Variants in MYO1B observed in about 807,000 individuals in gnomAD.
The protein encoded by MYO1B is myosin IB.
A neutral mutation model predicts 159.7 loss-of-function variants in MYO1B; 72 were observed. The observed-to-expected ratio is 0.45, with a 90% CI of 0.37 to 0.55. The LOEUF (loss-of-function observed/expected upper bound fraction) is 0.55, where lower values mean the gene tolerates loss of function less well. Ranked by LOEUF, MYO1B falls within the 20% of genes least tolerant of loss-of-function variation. MYO1B has a pLI of 0.00. For missense variants in MYO1B, 1,062 were observed against 1,364.8 expected, an observed-to-expected ratio of 0.78 and a Z score of 3.50; for synonymous variants, 468 against 473.8, an observed-to-expected ratio of 0.99 and a Z score of 0.16.
At chr2:191,318,893 C>G (rs1036472046) in intron 3 of MYO1B, among the ~76,000 whole-genome samples, 2 of 152,158 alleles carry the variant, frequency 1.3e-5, no homozygotes, top group Non-Finnish European at 2.9e-5. Flanking sequence ...TTAAATCTTC[C>G]TCTAGCAGTC....
intron 3 of MYO1B, among the ~76,000 whole-genome samples, chr2:191,305,360 G>T (rs1233320933): frequency 1.3e-5 from 2 of 152,208 alleles, no homozygotes; most frequent in African/African-American, 4.8e-5. Flanking sequence ...AAAGTGTTCA[G>T]CAGAGCGAAT....
chr2:191,350,966 C>T (rs1310143968), intron 7 of MYO1B, among the ~76,000 whole-genome samples: 1 of 152,084 alleles, frequency 6.6e-6, no homozygotes, highest in Non-Finnish European at 1.5e-5. Flanking sequence ...GCACCCACAG[C>T]ACAACCCTGA....
chr2:191,386,521 C>T (rs1284747932), intron 16 of MYO1B, among the ~76,000 whole-genome samples: 1 of 133,510 alleles, frequency 7.5e-6, no homozygotes, highest in African/African-American at 2.6e-5. Flanking sequence ...TTTTAAAACA[C>T]TTATTTATTT....
rs543738310 is a variant in MYO1B at position 191,330,203 on chromosome 2, C to A, written c.346+174C>A. ...ATGTTCTCTGGACTCCCCAGAGAAA[C>A]AAGATGCCTATCCAAGGGGATTCCA... On this transcript the variant is annotated intron_variant, in intron 4 of 30. Coordinates refer to ENST00000392318, the MANE Select transcript of MYO1B (RefSeq NM_001130158.3). 8.5e-4 allele frequency among the ~76,000 whole-genome samples: 130 copies of A among 152,256 alleles called. 1 individual carries two copies. The highest frequency in any genetic ancestry group is 3.1e-3 in the African/African-American group (127 of 41,552).
At chr2:191,289,374 G>A (rs1266158314) in intron 2 of MYO1B, among the ~76,000 whole-genome samples, 1 of 152,214 alleles carries the variant, frequency 6.6e-6, no homozygotes, top group Non-Finnish European at 1.5e-5. Flanking sequence ...GCTAGCTAAT[G>A]TGGTCGTATC....
chr2:191,254,628 C>A (rs1245142642), intron 1 of MYO1B, among the ~76,000 whole-genome samples: 8 of 152,012 alleles, frequency 5.3e-5, no homozygotes, highest in Admixed American at 1.3e-4. Flanking sequence ...ACCTCAGCTT[C>A]CCAAGTAACT....
rs1230247838 is a variant in MYO1B at position 191,398,271 on chromosome 2, G to T, written c.2295+1774G>T. On this transcript the variant is annotated intron_variant, in intron 21 of 30. Coordinates refer to ENST00000392318, the MANE Select transcript of MYO1B (RefSeq NM_001130158.3). The stretch of plus-strand genomic sequence containing the variant: ...TGACCCCCCCTCCCCCCTCCCGGAC[G>T]GGGCGGCTGGCCGGGCGGGGGGCTG... 4.3e-5 allele frequency among the ~76,000 whole-genome samples: 4 copies of T among 93,578 alleles called. No individual in the cohort carries two copies. In the East Asian group the frequency reaches 1.1e-3, roughly 26 times the overall value. The allele number at this position is 93,578 out of a possible 152,430, so 61.4% of individuals were successfully genotyped here. A position where few individuals can be genotyped will look rare whatever the true frequency, so the allele number is the denominator to read the frequency against.
chr2:191,419,713 T>C (rs1038061126), intron 30 of MYO1B, among the ~76,000 whole-genome samples: 2 of 152,158 alleles, frequency 1.3e-5, no homozygotes, highest in African/African-American at 4.8e-5. Flanking sequence ...GACAGTGAAA[T>C]TGATGCTCCT....
intron 2 of MYO1B, among the ~76,000 whole-genome samples, chr2:191,281,954 T>C (rs1688087680): frequency 6.6e-6 from 1 of 152,174 alleles, no homozygotes; most frequent in Admixed American, 6.5e-5. Context: ...TCTTAAGTTA[T>C]AGAAGTTAAT....
intron 2 of MYO1B, among the ~76,000 whole-genome samples, chr2:191,286,058 C>A (rs1688346958): frequency 6.6e-6 from 1 of 152,150 alleles, no homozygotes; most frequent in African/African-American, 2.4e-5. Flanking sequence ...AAACCTTGGG[C>A]AAGTTATTTA....
chr2:191,261,997 G>A (rs1686840948), intron 1 of MYO1B, among the ~76,000 whole-genome samples: 1 of 151,820 alleles, frequency 6.6e-6, no homozygotes, highest in East Asian at 1.9e-4. Flanking sequence ...TATGCATTTG[G>A]ATAAGAGAAC....
chr2:191,402,990 A>G (rs769789693), intron 24 of MYO1B, among the ~76,000 whole-genome samples: 14 of 152,322 alleles, frequency 9.2e-5, no homozygotes, highest in Non-Finnish European at 1.9e-4. Context: ...CTAGTTTGTT[A>G]TCTTTATGAG....
intron 3 of MYO1B, among the ~76,000 whole-genome samples, chr2:191,299,532 C>T (rs941291679): frequency 6.6e-6 from 1 of 152,306 alleles, no homozygotes; most frequent in East Asian, 1.9e-4. Context: ...TTCCTTCAGA[C>T]CTCAAATTGC....
Position 191,260,254 on chromosome 2 carries a change from C to CTTTTTTTTTTTTTTTTTTTTTTTTTT in MYO1B, c.-10+14641_-10+14642insTTTTTTTTTTTTTTTTTTTTTTTTTT, listed in dbSNP as rs57237733. Among the ~76,000 whole-genome samples, 313 of 60,966 alleles carry CTTTTTTTTTTTTTTTTTTTTTTTTTT rather than the reference C, an allele frequency of 5.1e-3. 114 individuals are homozygous for CTTTTTTTTTTTTTTTTTTTTTTTTTT. Among genetic ancestry groups the CTTTTTTTTTTTTTTTTTTTTTTTTTT allele is most frequent in the Non-Finnish European group, 9.4e-3 (237 of 25,284 alleles). The allele number at this position is 60,966 out of a possible 152,430, so 40.0% of individuals were successfully genotyped here. A position where few individuals can be genotyped will look rare whatever the true frequency, so the allele number is the denominator to read the frequency against. ...TAATATTACTTTTTTCCCAGATAGG[C>CTTTTTTTTTTTTTTTTTTTTTTTTTT]TTTTTTTTTTTTTGAATTAAAGCTA... is the stretch of plus-strand genomic sequence containing the variant. On this transcript the variant is annotated intron_variant, in intron 1 of 30. Coordinates refer to ENST00000392318, the MANE Select transcript of MYO1B (RefSeq NM_001130158.3).
intron 17 of MYO1B, among the ~76,000 whole-genome samples, chr2:191,388,627 G>A (rs928571108): frequency 6.6e-6 from 1 of 151,954 alleles, no homozygotes; most frequent in Admixed American, 6.6e-5. Flanking sequence ...AACATATGTT[G>A]GAGAGGATCC....
intron 11 of MYO1B, among the ~76,000 whole-genome samples, chr2:191,364,983 C>A (rs73060743): frequency 1.3e-5 from 2 of 150,994 alleles, no homozygotes; most frequent in African/African-American, 5.0e-5. Context: ...CCCTGCCTTA[C>A]TTCTTGAACC....
At chr2:191,398,809 A>G (rs1430604191) in intron 21 of MYO1B, among the ~76,000 whole-genome samples, 1 of 140,792 alleles carries the variant, frequency 7.1e-6, no homozygotes, top group African/African-American at 2.7e-5. Flanking sequence ...GGGGCTCCTC[A>G]CCTCCCAGAC....
At chr2:191,394,568 CA>C (rs1695950607) in intron 20 of MYO1B, among the ~76,000 whole-genome samples, 1 of 152,062 alleles carries the variant, frequency 6.6e-6, no homozygotes, top group Non-Finnish European at 1.5e-5. Flanking sequence ...CGCATTTAAG[CA>C]AACAAATAAT....
intron 2 of MYO1B, among the ~76,000 whole-genome samples, chr2:191,279,834 A>G (rs1450149647): frequency 2.6e-5 from 4 of 152,272 alleles, no homozygotes; most frequent in Middle Eastern, 3.4e-3. Flanking sequence ...CTCTCTAGGG[A>G]TGATCCATCA....
Sources: gnomAD v4.1 joint callset for allele counts (sites outside exome capture counted in the v4.1 genomes callset) on GRCh38, gnomAD v4.1.1 for gene constraint, MANE v1.5 for transcripts, NCBI Gene and HGNC (gene_info 2026-07-23, HGNC 2026-07-21) for gene names.